Variants in ITSN1 observed in about 807,000 individuals in gnomAD.
ITSN1 encodes intersectin 1.
In ITSN1, 58 loss-of-function variants were observed where a neutral mutation model predicts 239.8. The observed-to-expected ratio is 0.24, with a 90% CI of 0.20 to 0.30. The LOEUF (loss-of-function observed/expected upper bound fraction) is 0.30. ITSN1 is among the 10% of genes least tolerant of loss of function. ITSN1 has a pLI of 1.00. For missense variants in ITSN1, 1,558 were observed against 2,103.3 expected, an observed-to-expected ratio of 0.74 and a Z score of 5.07; for synonymous variants, 780 against 770.8, an observed-to-expected ratio of 1.01 and a Z score of -0.20.
chr21:33,710,494 T>A (rs2092384884), intron 1 of ITSN1, among the ~76,000 whole-genome samples: 1 of 152,198 alleles, frequency 6.6e-6, no homozygotes, highest in South Asian at 2.1e-4. Flanking sequence ...ATTTTCTGAA[T>A]GGTTTAATCT....
chr21:33,851,776 T>TC (rs1978340110), intron 29 of ITSN1, among the ~76,000 whole-genome samples: 9 of 119,312 alleles, frequency 7.5e-5, no homozygotes, highest in Non-Finnish European at 1.3e-4. Context: ...TTCTTTTCTT[T>TC]CCTTTTTTTT....
At chr21:33,738,366 A>G (rs996419625) in intron 5 of ITSN1, among the ~76,000 whole-genome samples, 4 of 152,136 alleles carry the variant, frequency 2.6e-5, no homozygotes, top group Admixed American at 2.0e-4. Flanking sequence ...GCTTAAGGCC[A>G]TATTTCTAAC....
At chr21:33,743,274 T>G (rs1430531637) in intron 5 of ITSN1, among the ~76,000 whole-genome samples, 1 of 152,224 alleles carries the variant, frequency 6.6e-6, no homozygotes, top group Admixed American at 6.5e-5. Flanking sequence ...AAGACCAGCC[T>G]GGCCAACATG....
intron 29 of ITSN1, 70 bp from the exon 30 acceptor site, chr21:33,856,666 A>ATCT: frequency 6.2e-7 from 1 of 1,605,434 alleles, no homozygotes; most frequent in Non-Finnish European, 8.5e-7. Flanking sequence ...AGCCACGAGG[A>ATCT]TCTTCCGTGT....
At chr21:33,836,870 C>CTT in intron 29 of ITSN1, 32 of 675,878 alleles carry the variant, frequency 4.7e-5, no homozygotes, top group South Asian at 1.5e-4. Flanking sequence ...CTCCTTTTTC[C>CTT]TTTTTTTTTT....
At position 33,888,208 on chromosome 21, in the gene ITSN1, A is replaced by G. The variant is rs201935892; in HGVS notation, c.5074A>G (p.Lys1692Glu). The change falls in exon 40 of 40, where the codon AAA (lysine) becomes GAA (glutamate). Residue 1692 changes from lysine (K) to glutamate (E), a missense_variant. Around this residue, in one of 2 missense-constraint regions of ITSN1, gnomAD observed 576 missense variants for 893.3 expected, o/e 0.64. Coordinates refer to ENST00000381318, the MANE Select transcript of ITSN1 (RefSeq NM_003024.3). Reference protein sequence around the residue: ...VADIKKDQGSKGPVTKCLLLH... With the variant: ...VADIKKDQGSEGPVTKCLLLH... ...GGACATCAAGAAAGACCAGGGCTCC[A>G]AAGGTCCAGTTACGAAGTGTCTTCT... The G allele has an allele frequency of 1.9e-6, 3 of 1,614,162 alleles. No individual in the cohort carries two copies. The Admixed American group carries it at 5.0e-5, about 27-fold the overall frequency.
intron 4 of ITSN1, among the ~76,000 whole-genome samples, chr21:33,729,991 C>A (rs533680733): frequency 2.6e-5 from 4 of 152,282 alleles, no homozygotes; most frequent in African/African-American, 9.6e-5. Flanking sequence ...AAACAGAGGA[C>A]ATATAAAGTA....
At chr21:33,762,253 G>A (rs7282455) in intron 9 of ITSN1, among the ~76,000 whole-genome samples, 16 of 151,314 alleles carry the variant, frequency 1.1e-4, no homozygotes, top group African/African-American at 3.4e-4. Flanking sequence ...GGCTCTCCCT[G>A]TCTTTGATTT....
Position 33,764,623 on chromosome 21 carries a change from A to G in ITSN1, c.789-1252A>G, listed in dbSNP as rs141933780. The stretch of plus-strand genomic sequence containing the variant: ...TGTTTGTCAAAACTCTCAGACCTAT[A>G]CTCTAGAAGGTGTGCATTCTACTTT... On this transcript the variant is annotated intron_variant, in intron 9 of 39. Coordinates refer to ENST00000381318, the MANE Select transcript of ITSN1 (RefSeq NM_003024.3). Among the ~76,000 whole-genome samples, 1,141 of 152,244 alleles carry G rather than the reference A, an allele frequency of 7.5e-3. 14 individuals are homozygous for G. Among genetic ancestry groups the G allele is most frequent in the African/African-American group, 0.026 (1,086 of 41,528 alleles).
chr21:33,652,519 T>C (rs2088631412), intron 1 of ITSN1, among the ~76,000 whole-genome samples: 1 of 152,156 alleles, frequency 6.6e-6, no homozygotes, highest in Non-Finnish European at 1.5e-5. Context: ...GCTGGACCTA[T>C]AGATTCTTTG....
At chr21:33,849,523 A>G (rs1218265642) in intron 29 of ITSN1, among the ~76,000 whole-genome samples, 1 of 146,614 alleles carries the variant, frequency 6.8e-6, no homozygotes, top group Admixed American at 7.1e-5. Flanking sequence ...CCAAGATTGC[A>G]CCATTGCACT....
chr21:33,874,254 C>T (rs573765319), intron 33 of ITSN1, among the ~76,000 whole-genome samples: 14 of 151,934 alleles, frequency 9.2e-5, no homozygotes, highest in South Asian at 2.1e-4. Flanking sequence ...GGTCCAGCTC[C>T]GGAGCTGGCA....
chr21:33,735,321 GA>G, intron 5 of ITSN1, 117 bp downstream of exon 5: 1 of 1,033,860 alleles, frequency 9.7e-7, no homozygotes, highest in Non-Finnish European at 1.5e-6. Context: ...AATTCTGTCT[GA>G]AAAATGATGG....
At position 33,882,968 on chromosome 21, in the gene ITSN1, G is replaced by T. The variant is rs1985174016; in HGVS notation, c.4554+513G>T. 6.6e-6 allele frequency among the ~76,000 whole-genome samples: 1 copy of T among 152,172 alleles called. No individual in the cohort carries two copies. Among genetic ancestry groups the T allele is most frequent in the African/African-American group, 2.4e-5 (1 of 41,432 alleles). ...CTCATACGTGCATGGCTGTGTTTGT[G>T]TGTCTTTGTGTCACGGGACGTTGTT... On this transcript the variant is annotated intron_variant, in intron 35 of 39. Transcript: ENST00000381318. This position sits in a 1 kb window ranked among gnomAD's most constrained non-coding sequence, Gnocchi z 4.5.
chr21:33,838,777 C>A (rs550480109), intron 29 of ITSN1, among the ~76,000 whole-genome samples: 1 of 152,152 alleles, frequency 6.6e-6, no homozygotes, highest in African/African-American at 2.4e-5. Context: ...TCAGTCTCAC[C>A]GGGCTTTTGA....
chr21:33,888,702 A>G lies in ITSN1; in HGVS notation c.*402A>G, dbSNP rs1281782678. On this transcript the variant is annotated 3_prime_UTR_variant, in exon 40 of 40. Coordinates refer to ENST00000381318, the MANE Select transcript of ITSN1 (RefSeq NM_003024.3). Reference sequence around the variant, plus strand: ...CTCATGTAACCCTCCTGTTTCTTACATCCACCAGTCCCCAAGTAGACTTCT... The same window carrying G: ...CTCATGTAACCCTCCTGTTTCTTACGTCCACCAGTCCCCAAGTAGACTTCT... 6.4e-6 allele frequency: 1 copy of G among 155,160 alleles called. No individual in the cohort carries two copies. Among genetic ancestry groups the G allele is most frequent in the Non-Finnish European group, 1.4e-5 (1 of 70,096 alleles). 9.6% of individuals were successfully genotyped at this position (155,160 alleles called of 1,614,324 possible).
At chr21:33,881,125 C>T (rs1984833040) in intron 34 of ITSN1, among the ~76,000 whole-genome samples, 1 of 152,124 alleles carries the variant, frequency 6.6e-6, no homozygotes, top group Admixed American at 6.5e-5. Context: ...CACTGATTTA[C>T]AGCTGGGTAT....
At chr21:33,672,402 A>G (rs1643505823) in intron 1 of ITSN1, among the ~76,000 whole-genome samples, 1 of 152,202 alleles carries the variant, frequency 6.6e-6, no homozygotes, top group African/African-American at 2.4e-5. Context: ...CTACCTAGGG[A>G]AGTACAAATG....
At chr21:33,872,982 T>C (rs906657648) in intron 33 of ITSN1, among the ~76,000 whole-genome samples, 2 of 152,216 alleles carry the variant, frequency 1.3e-5, no homozygotes, top group African/African-American at 4.8e-5. Flanking sequence ...GGTGGGTTCC[T>C]AGCCTGTAGT....
Sources: gnomAD v4.1 joint callset for allele counts (sites outside exome capture counted in the v4.1 genomes callset) on GRCh38, gnomAD v4.1.1 for gene constraint, gnomAD v4.1.1 regional missense constraint, Gnocchi (gnomAD v3.1) non-coding constraint, MANE v1.5 for transcripts, NCBI Gene and HGNC (gene_info 2026-07-23, HGNC 2026-07-21) for gene names.